RBM33: variants seen among roughly 807,000 people sequenced by gnomAD.
RBM33 encodes the protein RNA binding motif protein 33.
A neutral mutation model predicts 132.6 loss-of-function variants in RBM33; 28 were observed. The ratio of observed to expected loss-of-function variants is 0.21; its 90% CI spans 0.16 to 0.29. The LOEUF is 0.29. RBM33 is among the 10% of genes least tolerant of loss of function. The probability of loss-of-function intolerance (pLI) is 1.00; values close to 1 mark genes in which losing one functional copy is unlikely to be tolerated. For synonymous variants in RBM33, 634 were observed against 593.0 expected (o/e 1.07, Z -1.01); for missense variants, 1,291 against 1,518.5 (o/e 0.85, Z 2.49).
chr7:155,645,065 G>A, intron 1 of RBM33, 146 bp downstream of exon 1: 1 of 547,924 alleles, frequency 1.8e-6, no homozygotes, highest in Non-Finnish European at 3.1e-6. Flanking sequence ...TTTCTCCCTC[G>A]CCTTCCCTCG....
intron 16 of RBM33, among the ~76,000 whole-genome samples, chr7:155,767,676 T>C (rs1585549488): frequency 6.6e-6 from 1 of 152,170 alleles, no homozygotes; most frequent in Non-Finnish European, 1.5e-5. Flanking sequence ...GGGAGATAGG[T>C]TTCATTTTTA....
chr7:155,738,109 T>TC lies in RBM33; in HGVS notation c.1448dup (p.Pro484SerfsTer10). The TC allele has an allele frequency of 6.2e-7, 1 of 1,613,582 alleles. No homozygotes were observed. The highest frequency in any genetic ancestry group is 8.5e-7 in the Non-Finnish European group (1 of 1,179,758). On this transcript the variant is annotated frameshift_variant, in exon 11 of 18. Coordinates refer to ENST00000401878, the MANE Select transcript of RBM33 (RefSeq NM_053043.3). LOFTEE classifies it high-confidence loss of function. ...GCCATCTTTTTCTGGAACAGCGAAG[T>TC]CCCCCTCCACCACCACCGCCTCCTA...
In RBM33 at chr7:155,735,742, CCTCT is replaced by C. The variant is rs1448384101; in HGVS notation, c.1261-1784_1261-1781del. Reference sequence around the variant, plus strand: ...CTGTCTCTCTCTCTCTCTCTCTCTCCCTCTCTCAGGAAAAGAGATCCATATCAAA... The same window carrying C: ...CTGTCTCTCTCTCTCTCTCTCTCTCCCTCAGGAAAAGAGATCCATATCAAA... On this transcript the variant is annotated intron_variant, in intron 9 of 17. Transcript: ENST00000401878. Among the ~76,000 whole-genome samples the C allele has an allele frequency of 4.9e-3, 419 of 86,140 alleles. 1 individual carries two copies. Among genetic ancestry groups the C allele is most frequent in the Middle Eastern group, 0.019 (3 of 160 alleles). The allele number at this position is 86,140 out of a possible 152,430, so 56.5% of individuals were successfully genotyped here.
intron 8 of RBM33, among the ~76,000 whole-genome samples, chr7:155,714,134 G>A (rs1800389754): frequency 6.6e-6 from 1 of 152,166 alleles, no homozygotes; most frequent in Admixed American, 6.5e-5. Context: ...GTGGATTTGA[G>A]GTGAGGGCAG....
At position 155,693,401 on chromosome 7, in the gene RBM33, A is replaced by G. The variant is rs549891842; in HGVS notation, c.568-7372A>G. On this transcript the variant is annotated intron_variant, in intron 5 of 17. Coordinates refer to ENST00000401878, the MANE Select transcript of RBM33 (RefSeq NM_053043.3). ...TTCCTAAGGGTTGTTTTCAGTATGA[A>G]TCTTTCTAGCAGAAAGTAAGAGCTC... Among the ~76,000 whole-genome samples, 4 of 151,870 alleles carry G rather than the reference A, an allele frequency of 2.6e-5. No homozygotes were observed. In the East Asian group the frequency reaches 7.7e-4, roughly 29 times the overall value.
At chr7:155,762,027 C>T (rs931607049) in intron 14 of RBM33, among the ~76,000 whole-genome samples, 1 of 152,142 alleles carries the variant, frequency 6.6e-6, no homozygotes, top group South Asian at 2.1e-4. Context: ...GGGGTTGACC[C>T]GACTGCTGCG....
intron 1 of RBM33, among the ~76,000 whole-genome samples, chr7:155,661,161 A>G (rs1442929625): frequency 4.4e-5 from 1 of 22,726 alleles, no homozygotes; most frequent in African/African-American, 1.5e-4. Flanking sequence ...TTTTTTTTTG[A>G]GACAGAGTCT....
rs1800745223 is a variant in RBM33, at chr7:155,724,993, TGTGTGTGTGTGTGTGTGTG to T, written c.1260+6551_1260+6569del. 2.3e-3 allele frequency among the ~76,000 whole-genome samples: 218 copies of T among 94,944 alleles called. 5 individuals are homozygous for T. The highest frequency in any genetic ancestry group is 8.3e-3 in the African/African-American group (207 of 24,816). 62.3% of individuals were successfully genotyped at this position (94,944 alleles called of 152,430 possible). The stretch of plus-strand genomic sequence containing the variant: ...CTGTAAACATTTGTGTACAGGTTTG[TGTGTGTGTGTGTGTGTGTG>T]TGTGTGTGTGTGTGTGTGTGTGTGT... On this transcript the variant is annotated intron_variant, in intron 9 of 17. Coordinates refer to ENST00000401878, the MANE Select transcript of RBM33 (RefSeq NM_053043.3).
chr7:155,726,854 A>G (rs527892928), intron 9 of RBM33, among the ~76,000 whole-genome samples: 142 of 152,342 alleles, frequency 9.3e-4, no homozygotes, highest in Middle Eastern at 3.4e-3. Flanking sequence ...CAAGAGTGTG[A>G]GAATGTGGGT....
At chr7:155,771,619 G>A (rs1202983792) in intron 16 of RBM33, among the ~76,000 whole-genome samples, 1 of 152,164 alleles carries the variant, frequency 6.6e-6, no homozygotes, top group Non-Finnish European at 1.5e-5. Context: ...TTGGCAGCCT[G>A]ATACCCTCAT....
chr7:155,646,482 G>C (rs1261669440), intron 1 of RBM33, among the ~76,000 whole-genome samples: 1 of 152,088 alleles, frequency 6.6e-6, no homozygotes, highest in Non-Finnish European at 1.5e-5. Flanking sequence ...CAAACTCCTT[G>C]CCAAGATTTG....
At chr7:155,723,904 T>G (rs1447818947) in intron 9 of RBM33, among the ~76,000 whole-genome samples, 1 of 152,206 alleles carries the variant, frequency 6.6e-6, no homozygotes, top group Middle Eastern at 3.2e-3. Context: ...AAGGGAGGGC[T>G]GTTTTTCGTT....
At chr7:155,693,384 G>C (rs967171873) in intron 5 of RBM33, among the ~76,000 whole-genome samples, 5 of 150,736 alleles carry the variant, frequency 3.3e-5, no homozygotes, top group Middle Eastern at 3.4e-3. Flanking sequence ...ACTTCCTAAG[G>C]GTTGTTTTCA....
intron 14 of RBM33, among the ~76,000 whole-genome samples, chr7:155,754,853 C>T (rs934358620): frequency 1.2e-4 from 18 of 152,202 alleles, no homozygotes; most frequent in Admixed American, 2.6e-4. Flanking sequence ...TCTAACCTTA[C>T]GGATTTGGTT....
chr7:155,755,474 A>T (rs921494880), intron 14 of RBM33, among the ~76,000 whole-genome samples: 3 of 152,274 alleles, frequency 2.0e-5, no homozygotes, highest in African/African-American at 7.2e-5. Context: ...GTTTAGAAGA[A>T]GATAAGGAAA....
At chr7:155,708,916 C>CA (rs1800196040) in intron 7 of RBM33, among the ~76,000 whole-genome samples, 1 of 151,930 alleles carries the variant, frequency 6.6e-6, no homozygotes, top group African/African-American at 2.4e-5. Flanking sequence ...TGCTTGTACC[C>CA]ATTTTCTCCT....
Position 155,717,640 on chromosome 7 carries a change from C to T in RBM33, c.1202-745C>T, listed in dbSNP as rs546604717. Among the ~76,000 whole-genome samples the T allele has an allele frequency of 8.5e-5, 13 of 152,232 alleles. No homozygotes were observed. The South Asian group carries it at 2.7e-3, about 32-fold the overall frequency. On this transcript the variant is annotated intron_variant, in intron 8 of 17. Transcript: ENST00000401878. Reference sequence around the variant, plus strand: ...CACATTTTGCTGTAAGACGTAGCTGCACTTAGATTGTGAGTTTCTTTGAAA... The same window carrying T: ...CACATTTTGCTGTAAGACGTAGCTGTACTTAGATTGTGAGTTTCTTTGAAA...
chr7:155,724,814 G>A (rs1348400453), intron 9 of RBM33, among the ~76,000 whole-genome samples: 3 of 152,068 alleles, frequency 2.0e-5, no homozygotes, highest in Non-Finnish European at 4.4e-5. Flanking sequence ...GTAGTATAAC[G>A]CGTTTGAGAT....
chr7:155,760,594 A>C (rs1802002295), intron 14 of RBM33, among the ~76,000 whole-genome samples: 1 of 152,260 alleles, frequency 6.6e-6, no homozygotes. Context: ...TTGTACTGTC[A>C]GGCAACAACA....
Sources: allele counts gnomAD v4.1 joint callset (sites outside exome capture counted in the v4.1 genomes callset), GRCh38; gene constraint gnomAD v4.1.1; transcripts MANE v1.5; gene names NCBI Gene and HGNC (gene_info 2026-07-23, HGNC 2026-07-21).